GPHN: variants seen among roughly 807,000 people sequenced by gnomAD.
GPHN encodes the protein gephyrin.
A neutral mutation model predicts 95.5 loss-of-function variants in GPHN; 17 were observed. The observed-to-expected ratio is 0.18, with a 90% CI of 0.12 to 0.27. GPHN has a LOEUF of 0.27. Ranked by LOEUF, GPHN falls within the 10% of genes least tolerant of loss-of-function variation. The probability of loss-of-function intolerance (pLI) is 1.00; values close to 1 mark genes in which losing one functional copy is unlikely to be tolerated. For missense variants in GPHN, 660 were observed against 978.1 expected, an observed-to-expected ratio of 0.67 and a Z score of 4.34; for synonymous variants, 320 against 322.5, an observed-to-expected ratio of 0.99 and a Z score of 0.08.
intron 1 of GPHN, among the ~76,000 whole-genome samples, chr14:66,560,177 G>A (rs1454054407): frequency 1.3e-5 from 2 of 152,066 alleles, no homozygotes; most frequent in Non-Finnish European, 2.9e-5. Flanking sequence ...GTAGCGTGAT[G>A]CCTCCAGCTT....
the GPHN span, chr14:67,279,222 G>A: frequency 6.2e-7 from 1 of 1,612,436 alleles, no homozygotes; most frequent in East Asian, 2.2e-5. Flanking sequence ...AGACAGCGAA[G>A]TAAAAAATGT....
chr14:66,823,868 AC>A (rs934035090), intron 3 of GPHN, among the ~76,000 whole-genome samples: 12 of 152,238 alleles, frequency 7.9e-5, no homozygotes, highest in Admixed American at 5.9e-4. Flanking sequence ...ACAATGTAAT[AC>A]CAATGCAAGT....
chr14:66,833,187 G>T (rs1367337299), intron 4 of GPHN, among the ~76,000 whole-genome samples: 1 of 152,114 alleles, frequency 6.6e-6, no homozygotes, highest in Non-Finnish European at 1.5e-5. Flanking sequence ...AGCAGGGTGT[G>T]GTAGGCCTTA....
the GPHN span, among the ~76,000 whole-genome samples, chr14:67,462,259 G>A: frequency 1.3e-5 from 2 of 152,184 alleles, no homozygotes; most frequent in African/African-American, 2.4e-5. Context: ...TGTGTGGCAG[G>A]GATCTGGATT....
At chr14:67,149,008 A>G (rs1041486298) in intron 18 of GPHN, among the ~76,000 whole-genome samples, 2 of 152,180 alleles carry the variant, frequency 1.3e-5, no homozygotes, top group East Asian at 3.9e-4. Flanking sequence ...CTGGTAACCC[A>G]GAAGTTAAAG....
chr14:67,320,154 G>T, the GPHN span: 1 of 1,353,036 alleles, frequency 7.4e-7, no homozygotes, highest in Non-Finnish European at 9.9e-7. Flanking sequence ...AATTTTGGGT[G>T]AAGATCTATG....
At chr14:67,630,983 C>A in the GPHN span, among the ~76,000 whole-genome samples, 2 of 152,300 alleles carry the variant, frequency 1.3e-5, no homozygotes, top group East Asian at 3.9e-4. Context: ...GGGTAACTAA[C>A]ACTCGGCAGT....
the GPHN span, among the ~76,000 whole-genome samples, chr14:67,612,786 CA>C: frequency 2.7e-5 from 4 of 150,664 alleles, no homozygotes; most frequent in African/African-American, 9.7e-5. Context: ...ACTAAAAATA[CA>C]AAAAAAAATT....
the GPHN span, among the ~76,000 whole-genome samples, chr14:67,671,095 T>C: frequency 6.6e-6 from 1 of 152,230 alleles, no homozygotes; most frequent in Non-Finnish European, 1.5e-5. Flanking sequence ...ATTCAATTTA[T>C]TCAACAAACA....
chr14:66,521,322 A>T (rs2139813635), intron 1 of GPHN, among the ~76,000 whole-genome samples: 1 of 151,974 alleles, frequency 6.6e-6, no homozygotes, highest in East Asian at 1.9e-4. Flanking sequence ...CATGACTCAC[A>T]TGTCAATTTT....
chr14:66,691,615 C>A (rs2067788029), intron 2 of GPHN, among the ~76,000 whole-genome samples: 1 of 152,156 alleles, frequency 6.6e-6, no homozygotes, highest in African/African-American at 2.4e-5. Context: ...CTATTCATGG[C>A]TGCTTTTGAA....
chr14:67,578,548 C>T, the GPHN span: 13 of 1,609,890 alleles, frequency 8.1e-6, no homozygotes, highest in African/African-American at 4.0e-5. The surrounding 1 kb of genome is among the most constrained non-coding windows in gnomAD (Gnocchi z 5.0). Flanking sequence ...GGCAGCTCCT[C>T]GCTCTGTGTG....
At chr14:67,382,695 G>A in the GPHN span, 2 of 1,311,334 alleles carry the variant, frequency 1.5e-6, no homozygotes, top group Non-Finnish European at 2.2e-6. Context: ...ATTGTAGGAT[G>A]GTCATTCAGG....
chr14:67,000,250 G>A (rs997505647), intron 9 of GPHN, among the ~76,000 whole-genome samples: 1 of 151,728 alleles, frequency 6.6e-6, no homozygotes, highest in African/African-American at 2.4e-5. Flanking sequence ...CAGTTAAATT[G>A]CAGTGAGTAA....
the GPHN span, among the ~76,000 whole-genome samples, chr14:67,464,691 A>T: frequency 6.6e-6 from 1 of 152,228 alleles, no homozygotes; most frequent in Non-Finnish European, 1.5e-5. Flanking sequence ...CTCTTCTGGC[A>T]GACCTTTTGG....
chr14:67,115,693 C>G (rs2078646700), intron 16 of GPHN, among the ~76,000 whole-genome samples: 1 of 151,826 alleles, frequency 6.6e-6, no homozygotes, highest in African/African-American at 2.4e-5. Flanking sequence ...TGAGATCGTG[C>G]CACGGCACTC....
chr14:67,202,242 AC>A, the GPHN span, among the ~76,000 whole-genome samples: 1 of 152,200 alleles, frequency 6.6e-6, no homozygotes, highest in African/African-American at 2.4e-5. Context: ...GGAGTTCGAG[AC>A]CAGCCCCACC....
the GPHN span, among the ~76,000 whole-genome samples, chr14:67,339,838 C>T: frequency 6.6e-6 from 1 of 152,080 alleles, no homozygotes; most frequent in African/African-American, 2.4e-5. Flanking sequence ...GTGGCTCATG[C>T]GTGTAATCCC....
chr14:67,238,763 C>A, the GPHN span, among the ~76,000 whole-genome samples: 1 of 152,068 alleles, frequency 6.6e-6, no homozygotes, highest in Non-Finnish European at 1.5e-5. Flanking sequence ...CCTGCCTCAG[C>A]CTCCCAAGTA....
Sources: allele counts gnomAD v4.1 joint callset (sites outside exome capture counted in the v4.1 genomes callset), GRCh38; gene constraint gnomAD v4.1.1; non-coding constraint Gnocchi (gnomAD v3.1); transcripts MANE v1.5; gene names NCBI Gene and HGNC (gene_info 2026-07-23, HGNC 2026-07-21).